Variants in RUNX1T1 observed in about 807,000 individuals in gnomAD.
The protein encoded by RUNX1T1 is RUNX1 partner transcriptional co-repressor 1, also known as protein CBFA2T1.
A neutral mutation model predicts 62.8 loss-of-function variants in RUNX1T1; 4 were observed. The ratio of observed to expected loss-of-function variants is 0.06; its 90% CI spans 0.03 to 0.15. RUNX1T1 has a LOEUF of 0.15. RUNX1T1 is among the 10% of genes least tolerant of loss of function. The pLI, the probability that RUNX1T1 is intolerant of heterozygous loss-of-function variation, is 1.00. For synonymous variants in RUNX1T1, 291 were observed against 286.0 expected (o/e 1.02, Z -0.18); for missense variants, 508 against 754.3 (o/e 0.67, Z 3.82).
exon 2 of RUNX1T1, chr8:92,075,991 T>G (rs777115180): frequency 6.2e-7 from 1 of 1,611,794 alleles, no homozygotes. Context: ...GTTCCCTTTT[T>G]TCCGGCAGTC....
exon 5 of RUNX1T1, chr8:92,005,276 G>A (rs370973462): frequency 6.8e-6 from 11 of 1,611,764 alleles, no homozygotes; most frequent in South Asian, 2.2e-5. Flanking sequence ...AGGAGCTCAC[G>A]CTGCAGCAGG....
At chr8:92,037,135 C>A (rs901749784) in intron 1 of RUNX1T1, among the ~76,000 whole-genome samples, 1 of 152,162 alleles carries the variant, frequency 6.6e-6, no homozygotes, top group African/African-American at 2.4e-5. Context: ...GCTACTGAAT[C>A]AGAATTACCT....
chr8:92,055,200 A>G lies in RUNX1T1; in HGVS notation c.7+7346T>C, dbSNP rs1005196810. 3.3e-5 allele frequency among the ~76,000 whole-genome samples: 5 copies of G among 152,162 alleles called. No homozygotes were observed. The South Asian group carries it at 1.0e-3, about 32-fold the overall frequency. ...TGGGAAAAAGTTTATTAACTTCACA[A>G]TGACATGGTACCAAATGTTTTACAC... On this transcript the variant is annotated intron_variant, in intron 1 of 10. Coordinates refer to ENST00000396218, the Ensembl canonical transcript of RUNX1T1.
chr8:92,015,105 C>T (rs531857181), intron 2 of RUNX1T1, among the ~76,000 whole-genome samples: 4 of 152,254 alleles, frequency 2.6e-5, no homozygotes, highest in African/African-American at 9.6e-5. Context: ...TGCACATATG[C>T]CAACCACCTG....
intron 1 of RUNX1T1, among the ~76,000 whole-genome samples, chr8:92,039,316 A>G (rs368281747): frequency 6.6e-6 from 1 of 152,012 alleles, no homozygotes; most frequent in South Asian, 2.1e-4. Flanking sequence ...CCAAAAGGCT[A>G]TCTTGACCCC....
intron 1 of RUNX1T1, among the ~76,000 whole-genome samples, chr8:92,048,970 A>G (rs1829828227): frequency 6.6e-6 from 1 of 152,234 alleles, no homozygotes; most frequent in South Asian, 2.1e-4. Context: ...TGGCTACGTC[A>G]CATGCGACTC....
At chr8:92,079,288 C>T (rs894944776) in intron 1 of RUNX1T1, among the ~76,000 whole-genome samples, 2 of 152,136 alleles carry the variant, frequency 1.3e-5, no homozygotes, top group African/African-American at 4.8e-5. Flanking sequence ...CAAATGTACA[C>T]TTAGTTTTTG....
At chr8:92,073,668 A>C (rs1274663859) in intron 2 of RUNX1T1, among the ~76,000 whole-genome samples, 3 of 152,170 alleles carry the variant, frequency 2.0e-5, no homozygotes, top group Non-Finnish European at 4.4e-5. Flanking sequence ...AAAGAGGAAA[A>C]AAAAATTAGG....
chr8:91,964,621 C>G (rs1811193504), intron 10 of RUNX1T1, among the ~76,000 whole-genome samples: 1 of 152,122 alleles, frequency 6.6e-6, no homozygotes, highest in South Asian at 2.1e-4. Context: ...CCCCAAGTCA[C>G]AAAAATATAA....
downstream of RUNX1T1, chr8:91,955,219 T>C (rs1391479778): frequency 4.5e-6 from 1 of 220,238 alleles, no homozygotes; most frequent in Non-Finnish European, 9.1e-6. Context: ...GTCCAACATA[T>C]CCACTTGAAT....
In RUNX1T1 at chr8:91,970,652, C is replaced by G. The variant is rs377079978; in HGVS notation, c.1458+6G>C. ...TGTTTATTTGGAGCTTCCCAAGATGCCTCACCTCGCTTGAATCCTCCTGCT... is the reference window on the plus strand; with the variant it reads ...TGTTTATTTGGAGCTTCCCAAGATGGCTCACCTCGCTTGAATCCTCCTGCT... On this transcript the variant is annotated splice_donor_region_variant and intron_variant, in intron 10 of 10. Coordinates refer to ENST00000396218, the Ensembl canonical transcript of RUNX1T1. The G allele has an allele frequency of 6.3e-7, 1 of 1,590,874 alleles. No homozygotes were observed. The highest frequency in any genetic ancestry group is 8.6e-7 in the Non-Finnish European group (1 of 1,169,474).
chr8:92,095,112 CA>C (rs1837597329), intron 1 of RUNX1T1: 1 of 1,535,668 alleles, frequency 6.5e-7, no homozygotes, highest in Non-Finnish European at 8.7e-7. Flanking sequence ...CCCCACACAA[CA>C]AAAGGCAGAT....
At position 92,082,143 on chromosome 8, in the gene RUNX1T1, C is replaced by G. The variant is rs576476936; in HGVS notation, c.-85-6006G>C. 1.9e-3 allele frequency among the ~76,000 whole-genome samples: 284 copies of G among 152,278 alleles called. 1 individual carries two copies. The highest frequency in any genetic ancestry group is 3.4e-3 in the Middle Eastern group (1 of 294). On this transcript the variant is annotated intron_variant, in intron 1 of 11. Coordinates refer to the RUNX1T1 transcript ENST00000265814. ...CTCGTGATCCGCCCGCCTCAGCCTC[C>G]CAAAGTACTGGGATTACAGGCTTGA...
intron 1 of RUNX1T1, among the ~76,000 whole-genome samples, chr8:92,090,187 G>T (rs1836769328): frequency 6.7e-6 from 1 of 150,366 alleles, no homozygotes; most frequent in African/African-American, 2.4e-5. Flanking sequence ...CAGACACCAG[G>T]TCCTTTTTTT....
chr8:91,991,570 T>A, intron 6 of RUNX1T1, 69 bp downstream of exon 7: 1 of 1,495,380 alleles, frequency 6.7e-7, no homozygotes, highest in South Asian at 1.2e-5. Flanking sequence ...TCAAGTTAAG[T>A]TCAGAAATAA....
chr8:92,090,864 G>A (rs1056234300), intron 1 of RUNX1T1, among the ~76,000 whole-genome samples: 1 of 152,210 alleles, frequency 6.6e-6, no homozygotes, highest in African/African-American at 2.4e-5. Context: ...GGAGTTCTTT[G>A]AAATGAAGAA....
chr8:92,064,784 G>T (rs1042369320), upstream of RUNX1T1, among the ~76,000 whole-genome samples: 2 of 152,076 alleles, frequency 1.3e-5, no homozygotes, highest in African/African-American at 4.8e-5. Context: ...TTTAAAATGG[G>T]GTCTTAATAT....
chr8:92,040,882 T>A (rs1048146231), intron 1 of RUNX1T1, among the ~76,000 whole-genome samples: 4 of 151,680 alleles, frequency 2.6e-5, no homozygotes, highest in Non-Finnish European at 5.9e-5. Context: ...ATAATATAAA[T>A]TTTTTTTTCA....
chr8:91,963,810 TTTTA>T (rs958046219), intron 10 of RUNX1T1, among the ~76,000 whole-genome samples: 7 of 152,178 alleles, frequency 4.6e-5, no homozygotes, highest in African/African-American at 1.4e-4. Flanking sequence ...CTGATAATTG[TTTTA>T]TTTATTTATT....
Sources: allele counts gnomAD v4.1 joint callset (sites outside exome capture counted in the v4.1 genomes callset), GRCh38; gene constraint gnomAD v4.1.1; transcripts MANE v1.5; gene names NCBI Gene and HGNC (gene_info 2026-07-23, HGNC 2026-07-21).